The following CLCN5 variants were observed in gnomAD, a reference collection of about 807,000 sequenced individuals.
The protein encoded by CLCN5 is Cl-/H+ antiporter 5.
In CLCN5, 17 loss-of-function variants were observed where a neutral mutation model predicts 54.0. The ratio of observed to expected loss-of-function variants is 0.31; its 90% CI spans 0.22 to 0.47. CLCN5 has a LOEUF of 0.47. CLCN5 is among the 20% of genes least tolerant of loss of function. The pLI is 1.00. For synonymous variants in CLCN5, 222 were observed against 233.0 expected, an observed-to-expected ratio of 0.95 and a Z score of 0.43; for missense variants, 448 against 646.7, an observed-to-expected ratio of 0.69 and a Z score of 3.33.
intron 3 of CLCN5, among the ~76,000 whole-genome samples, chrX:50,034,059 T>G (rs1277747655): frequency 1.8e-5 from 2 of 112,430 alleles, no homozygotes; most frequent in African/African-American, 6.5e-5. Flanking sequence ...TGCTATGGGT[T>G]AAGAATTAGT....
intron 3 of CLCN5, among the ~76,000 whole-genome samples, chrX:49,954,684 C>T (rs1251350106): frequency 2.7e-5 from 3 of 110,996 alleles, no homozygotes; most frequent in Non-Finnish European, 5.7e-5. Flanking sequence ...GCGGCCAAGG[C>T]TCCTAGCTGT....
chrX:50,013,510 T>C (rs1483245876), intron 3 of CLCN5, among the ~76,000 whole-genome samples: 1 of 111,165 alleles, frequency 9.0e-6, no homozygotes, highest in Non-Finnish European at 1.9e-5. Flanking sequence ...CAGACACAGG[T>C]GTGTCAGGAA....
intron 3 of CLCN5, among the ~76,000 whole-genome samples, chrX:50,007,383 CTCTCTCTCTCTCTT>C (rs1355984581): frequency 2.1e-5 from 2 of 96,624 alleles, no homozygotes; most frequent in Non-Finnish European, 4.1e-5. Context: ...TTTTCTGTCT[CTCTCTCTCTCTCTT>C]TCTCTCTCTC....
intron 3 of CLCN5, among the ~76,000 whole-genome samples, chrX:49,995,933 T>C (rs1488892831): frequency 8.9e-6 from 1 of 111,811 alleles, no homozygotes; most frequent in Non-Finnish European, 1.9e-5. Flanking sequence ...AAATGCCTTG[T>C]TATCCACGTG....
At chrX:50,009,696 G>A (rs1373099899) in intron 3 of CLCN5, 1 of 384,556 alleles carries the variant, frequency 2.6e-6, no homozygotes, top group Non-Finnish European at 5.2e-6. Context: ...TACATGCAGG[G>A]TGCAGGTGCC....
intron 9 of CLCN5, chrX:50,085,716 G>C: frequency 5.2e-6 from 2 of 385,133 alleles, no homozygotes; most frequent in Non-Finnish European, 9.2e-6. Flanking sequence ...GGAGATAAGG[G>C]CGGGGGGGCG....
chrX:50,050,800 A>ACTCAGCCCACAGGTGC (rs1557188268), intron 4 of CLCN5, among the ~76,000 whole-genome samples: 1 of 107,422 alleles, frequency 9.3e-6, no homozygotes, highest in East Asian at 2.9e-4. Flanking sequence ...AGTAGCTGGG[A>ACTCAGCCCACAGGTGC]CTACAGGTGC....
At chrX:49,957,546 G>A (rs782304683) in intron 3 of CLCN5, among the ~76,000 whole-genome samples, 13 of 111,604 alleles carry the variant, frequency 1.2e-4, no homozygotes, top group Non-Finnish European at 1.9e-4. Flanking sequence ...TTACCTTTCA[G>A]TTCCTAGCCT....
intron 3 of CLCN5, among the ~76,000 whole-genome samples, chrX:50,032,563 G>T (rs1349847133): frequency 2.8e-5 from 3 of 107,132 alleles, no homozygotes; most frequent in Non-Finnish European, 3.8e-5. Flanking sequence ...TTTTTGATGG[G>T]GTTGTTTGTT....
At position 50,092,428 on chromosome X, in the gene CLCN5, G is replaced by A. The variant is rs1344207572; in HGVS notation, c.*209G>A. On this transcript the variant is annotated 3_prime_UTR_variant, in exon 15 of 15. Coordinates refer to ENST00000376091, the MANE Select transcript of CLCN5 (RefSeq NM_001127898.4). ...GAAATTATAGTTAGGCTTCCATGAT[G>A]TTACATTAGGAAGATATCATGAAAG... 2 of 410,862 alleles carry A rather than the reference G, an allele frequency of 4.9e-6. No homozygotes were observed. Among genetic ancestry groups the A allele is most frequent in the Non-Finnish European group, 8.5e-6 (2 of 235,534 alleles). 33.9% of individuals were successfully genotyped at this position (410,862 alleles called of 1,213,427 possible).
intron 3 of CLCN5, among the ~76,000 whole-genome samples, chrX:49,992,834 C>A (rs1406244005): frequency 2.7e-5 from 3 of 111,482 alleles, no homozygotes; most frequent in Non-Finnish European, 5.6e-5. Flanking sequence ...TATAATTTTT[C>A]CTTGGTTTAT....
chrX:50,003,229 G>A (rs456617), intron 3 of CLCN5: 1 of 382,924 alleles, frequency 2.6e-6, no homozygotes, highest in Non-Finnish European at 5.2e-6. Context: ...GCTTGCAGAA[G>A]AGCGAGCCTT....
chrX:50,025,691 C>T (rs1415308550), intron 3 of CLCN5, among the ~76,000 whole-genome samples: 1 of 111,218 alleles, frequency 9.0e-6, no homozygotes, highest in Non-Finnish European at 1.9e-5. Context: ...CTCATTTGCA[C>T]TCTGTTTCTC....
chrX:50,027,784 A>G (rs1225592509), intron 3 of CLCN5, among the ~76,000 whole-genome samples: 2 of 104,957 alleles, frequency 1.9e-5, no homozygotes, highest in East Asian at 2.9e-4. Flanking sequence ...GCTAGACATG[A>G]TATACTAGGT....
At chrX:50,022,673 G>T (rs1194991992) in intron 3 of CLCN5, among the ~76,000 whole-genome samples, 116 of 82,279 alleles carry the variant, frequency 1.4e-3, no homozygotes, top group Non-Finnish European at 1.8e-3. Flanking sequence ...TCTGGTATGT[G>T]GTGTCTTTGT....
rs199594074 is a variant in CLCN5, at chrX:50,086,735, G to C, written c.1422G>C (p.Glu474Asp). Residue 474 changes from glutamate to aspartate, a missense_variant, in exon 11 of 15, where the codon GAG becomes GAC. Physicochemically the swap from Glu to Asp is conservative, Grantham distance 45 (BLOSUM62 2). Around this residue, in one of 5 missense-constraint regions of CLCN5, gnomAD observed 297 missense variants for 470.4 expected, o/e 0.63. Coordinates refer to ENST00000376091, the MANE Select transcript of CLCN5 (RefSeq NM_001127898.4). ...ACTCCTCCAAGCTCTGTGATTATGAGAACCGTTTCAACACAAGCAAAGGGG... is the reference window on the plus strand; with the variant it reads ...ACTCCTCCAAGCTCTGTGATTATGACAACCGTTTCAACACAAGCAAAGGGG... The part of the protein sequence containing the change: ...LLDSSKLCDY[E>D]NRFNTSKGGE... 9 of 1,211,215 alleles carry C rather than the reference G, an allele frequency of 7.4e-6. No homozygotes were observed. The highest frequency in any genetic ancestry group is 1.0e-5 in the Non-Finnish European group (9 of 895,479).
intron 4 of CLCN5, among the ~76,000 whole-genome samples, chrX:50,045,388 T>G (rs781905294): frequency 1.2e-4 from 13 of 112,149 alleles, no homozygotes; most frequent in African/African-American, 4.2e-4. Flanking sequence ...TCACTGACTT[T>G]AGTGAAGTGG....
chrX:49,929,719 T>C (rs1191828759), intron 3 of CLCN5, among the ~76,000 whole-genome samples: 2 of 110,192 alleles, frequency 1.8e-5, no homozygotes, highest in Non-Finnish European at 3.8e-5. Flanking sequence ...TGTGATTCAG[T>C]CTTAAGACCT....
rs1008377762 is a variant in CLCN5 at position 49,998,939 on chromosome X, T to A, written c.17-43377T>A. Among the ~76,000 whole-genome samples the A allele has an allele frequency of 5.4e-5, 6 of 111,603 alleles. No individual in the cohort carries two copies. The East Asian group carries it at 8.5e-4, about 16-fold the overall frequency. On this transcript the variant is annotated intron_variant, in intron 3 of 14. Transcript: ENST00000376091. The stretch of plus-strand genomic sequence containing the variant: ...CTTGAATGGTAGTGTGTGTGTTTTT[T>A]AATTCCACTCTTATATACACAACTT...
Sources: allele counts gnomAD v4.1 joint callset (sites outside exome capture counted in the v4.1 genomes callset), GRCh38; gene constraint gnomAD v4.1.1; regional missense constraint gnomAD v4.1.1; transcripts MANE v1.5; gene names NCBI Gene and HGNC (gene_info 2026-07-23, HGNC 2026-07-21).